The following MRTFB variants were observed in gnomAD, a reference collection of about 807,000 sequenced individuals.
MRTFB encodes the protein myocardin related transcription factor B.
A neutral mutation model predicts 104.2 loss-of-function variants in MRTFB; 29 were observed. The observed-to-expected ratio is 0.28, with a 90% CI of 0.21 to 0.38. The LOEUF (loss-of-function observed/expected upper bound fraction) is 0.38. Ranked by LOEUF, MRTFB falls within the 10% of genes least tolerant of loss-of-function variation. The probability of loss-of-function intolerance (pLI) is 1.00; values close to 1 mark genes in which losing one functional copy is unlikely to be tolerated. For synonymous variants in MRTFB, 535 were observed against 519.5 expected (o/e 1.03, Z -0.41); for missense variants, 1,270 against 1,341.6 (o/e 0.95, Z 0.83).
rs926033240 is a variant in MRTFB at position 14,071,341 on chromosome 16, A to AGCGGCGGCGGCG, written c.-147_-136dup. On this transcript the variant is annotated 5_prime_UTR_variant, in exon 1 of 17. Coordinates refer to ENST00000571589, the MANE Select transcript of MRTFB (RefSeq NM_001308142.2). ...CGCGAGATCGCGCGGCGGCGGCGGGAGCGGCGGCGGCGGCGGCCGGGGAGG... is the reference window on the plus strand; with the variant it reads ...CGCGAGATCGCGCGGCGGCGGCGGGAGCGGCGGCGGCGGCGGCGGCGGCGGCGGCCGGGGAGG... 6.2e-6 allele frequency: 1 copy of AGCGGCGGCGGCG among 162,458 alleles called. No individual in the cohort carries two copies. The highest frequency in any genetic ancestry group is 1.3e-5 in the Non-Finnish European group (1 of 79,414). 10.1% of individuals were successfully genotyped at this position (162,458 alleles called of 1,614,324 possible). A position where few individuals can be genotyped will look rare whatever the true frequency, so the allele number is the denominator to read the frequency against.
intron 13 of MRTFB, among the ~76,000 whole-genome samples, chr16:14,251,522 G>C (rs1327424701): frequency 6.6e-6 from 1 of 152,178 alleles, no homozygotes; most frequent in Non-Finnish European, 1.5e-5. Context: ...CACCATCAAA[G>C]GCAAGTTACT....
chr16:14,050,118 C>T, the MRTFB span, among the ~76,000 whole-genome samples: 1 of 152,098 alleles, frequency 6.6e-6, no homozygotes, highest in Non-Finnish European at 1.5e-5. Flanking sequence ...TATGTATATA[C>T]ACATAGACTT....
At position 14,264,203 on chromosome 16, in the gene MRTFB, T is replaced by C. The variant is rs1281960792; in HGVS notation, c.*2759T>C. The C allele has an allele frequency of 6.6e-6, 1 of 152,218 alleles. No individual in the cohort carries two copies. Among genetic ancestry groups the C allele is most frequent in the Non-Finnish European group, 1.5e-5 (1 of 68,038 alleles). 9.4% of individuals were successfully genotyped at this position (152,218 alleles called of 1,614,324 possible). A position where few individuals can be genotyped will look rare whatever the true frequency, so the allele number is the denominator to read the frequency against. On this transcript the variant is annotated 3_prime_UTR_variant, in exon 17 of 17. Coordinates refer to ENST00000571589, the MANE Select transcript of MRTFB (RefSeq NM_001308142.2). ...TACTGTTGTATATCATATTGTAAAG[T>C]ATCATACTGCCAAGAAAATAACTCC...
At chr16:14,040,663 A>G in the MRTFB span, among the ~76,000 whole-genome samples, 2 of 152,200 alleles carry the variant, frequency 1.3e-5, no homozygotes, top group Non-Finnish European at 2.9e-5. Context: ...GGGTTTCACC[A>G]TGTTGGCAGG....
the MRTFB span, among the ~76,000 whole-genome samples, chr16:14,032,229 G>A: frequency 2.2e-4 from 34 of 152,218 alleles, no homozygotes; most frequent in Admixed American, 2.2e-3. Flanking sequence ...CTGACCTCAG[G>A]GGAGGAGAGG....
rs2043854216 is a variant in MRTFB, at chr16:14,263,781, T to C, written c.*2337T>C. ...ATGTGTTTAAACCTTTATAAACCAG[T>C]ATTTCACTTTTAAAAAGACAAGGCA... On this transcript the variant is annotated 3_prime_UTR_variant, in exon 17 of 17. Transcript: ENST00000571589. 6.6e-6 allele frequency: 1 copy of C among 152,176 alleles called. No individual in the cohort carries two copies. The highest frequency in any genetic ancestry group is 1.5e-5 in the Non-Finnish European group (1 of 68,028). The allele number at this position is 152,176 out of a possible 1,614,324, so 9.4% of individuals were successfully genotyped here.
At chr16:14,159,929 CAA>C (rs552159164) in intron 3 of MRTFB, among the ~76,000 whole-genome samples, 6 of 55,626 alleles carry the variant, frequency 1.1e-4, no homozygotes, top group African/African-American at 1.6e-4. Flanking sequence ...GACTCCGTCT[CAA>C]AAAAAAAAAA....
intron 3 of MRTFB, among the ~76,000 whole-genome samples, chr16:14,178,309 A>G (rs571166444): frequency 3.3e-5 from 5 of 152,158 alleles, no homozygotes; most frequent in Admixed American, 1.3e-4. Context: ...TGAGAAAGCT[A>G]TGAGGATAGT....
At chr16:14,260,788 T>C (rs2043741809) in intron 16 of MRTFB, 121 bp from the exon 17 acceptor site, 5 of 801,298 alleles carry the variant, frequency 6.2e-6, no homozygotes, top group Non-Finnish European at 9.7e-6. Context: ...TCTTCCTACT[T>C]CTAAGACGGA....
At chr16:14,174,843 G>A (rs919812057) in intron 3 of MRTFB, among the ~76,000 whole-genome samples, 4 of 152,134 alleles carry the variant, frequency 2.6e-5, no homozygotes, top group Non-Finnish European at 4.4e-5. Context: ...AGCTCATTGC[G>A]TTACACCATC....
intron 16 of MRTFB, among the ~76,000 whole-genome samples, chr16:14,259,924 C>G (rs748936868): frequency 6.6e-6 from 1 of 152,158 alleles, no homozygotes; most frequent in Non-Finnish European, 1.5e-5. Flanking sequence ...TTTTAAGTTC[C>G]TTCTCTCAGC....
intron 2 of MRTFB, among the ~76,000 whole-genome samples, chr16:14,112,478 A>G (rs1025822952): frequency 6.6e-5 from 10 of 152,368 alleles, no homozygotes; most frequent in Admixed American, 2.0e-4. Flanking sequence ...CTCCAAGCCT[A>G]GTAAAGCAGG....
At chr16:14,245,415 A>G (rs2042968917) in intron 10 of MRTFB, 113 bp from the exon 11 acceptor site, 2 of 862,750 alleles carry the variant, frequency 2.3e-6, no homozygotes, top group Non-Finnish European at 1.7e-6. Flanking sequence ...TCAGCCTTCC[A>G]ATCCATAACC....
At chr16:14,185,994 T>C (rs1274143691) in intron 3 of MRTFB, among the ~76,000 whole-genome samples, 1 of 152,150 alleles carries the variant, frequency 6.6e-6, no homozygotes, top group East Asian at 1.9e-4. Context: ...AGGCTGGTCA[T>C]TGGTTTACTC....
chr16:14,126,779 C>T (rs1484493870), intron 2 of MRTFB, among the ~76,000 whole-genome samples: 1 of 152,124 alleles, frequency 6.6e-6, no homozygotes, highest in African/African-American at 2.4e-5. Flanking sequence ...TAAAAAATTT[C>T]ACAGCTGGAA....
At chr16:14,149,736 T>C (rs1270705032) in intron 3 of MRTFB, among the ~76,000 whole-genome samples, 1 of 152,232 alleles carries the variant, frequency 6.6e-6, no homozygotes, top group African/African-American at 2.4e-5. Context: ...CATGATGTAG[T>C]ATATTCTCAT....
intron 3 of MRTFB, among the ~76,000 whole-genome samples, chr16:14,157,793 A>G (rs2038881782): frequency 6.6e-6 from 1 of 152,240 alleles, no homozygotes; most frequent in African/African-American, 2.4e-5. Context: ...AAGCCAAATA[A>G]ATGAGACATC....
chr16:14,085,193 C>T (rs1036200940), intron 2 of MRTFB, among the ~76,000 whole-genome samples: 2 of 151,786 alleles, frequency 1.3e-5, no homozygotes, highest in African/African-American at 2.4e-5. Context: ...TGGTGGCCCA[C>T]GCCTGTAATC....
At chr16:14,041,326 A>T in the MRTFB span, among the ~76,000 whole-genome samples, 1 of 152,224 alleles carries the variant, frequency 6.6e-6, no homozygotes, top group Non-Finnish European at 1.5e-5. Flanking sequence ...AGTCTATACA[A>T]ATTGAACAAC....
Sources: allele counts gnomAD v4.1 joint callset (sites outside exome capture counted in the v4.1 genomes callset), GRCh38; gene constraint gnomAD v4.1.1; transcripts MANE v1.5; gene names NCBI Gene and HGNC (gene_info 2026-07-23, HGNC 2026-07-21).